ATG7: variants seen among roughly 807,000 people sequenced by gnomAD.
ATG7 encodes ubiquitin-like modifier-activating enzyme ATG7.
In ATG7, 70 loss-of-function variants were observed where a neutral mutation model predicts 82.4. The ratio of observed to expected loss-of-function variants is 0.85; its 90% confidence interval spans 0.70 to 1.04. ATG7 has a LOEUF of 1.04. Among genes scored for constraint, ATG7 ranks in the 50% least tolerant of loss-of-function variants. The pLI is 0.00. For synonymous variants in ATG7, 287 were observed against 313.0 expected, an observed-to-expected ratio of 0.92 and a Z score of 0.88; for missense variants, 792 against 864.3, an observed-to-expected ratio of 0.92 and a Z score of 1.05.
At position 11,550,753 on chromosome 3, in the gene ATG7, T is replaced by C. The variant is rs112387796; in HGVS notation, c.2080-4058T>C. On this transcript the variant is annotated intron_variant, in intron 20 of 20. Coordinates refer to ENST00000693202, the MANE Select transcript of ATG7 (RefSeq NM_001349232.2). The stretch of plus-strand genomic sequence containing the variant: ...ATGAGCCCTTTATGGTATGTTGTTA[T>C]GTTTTCTCTCAGTTTGCCTTTTTGA... Among the ~76,000 whole-genome samples, 379 of 151,784 alleles carry C rather than the reference T, an allele frequency of 2.5e-3. 1 individual carries two copies. Among genetic ancestry groups the C allele is most frequent in the African/African-American group, 8.8e-3 (362 of 41,070 alleles).
intron 20 of ATG7, among the ~76,000 whole-genome samples, chr3:11,512,466 C>T (rs2092107345): frequency 6.6e-6 from 1 of 152,238 alleles, no homozygotes; most frequent in African/African-American, 2.4e-5. Context: ...CTCAGATTAA[C>T]TCTGAAATCA....
At chr3:11,479,473 T>C (rs1354172220) in intron 20 of ATG7, among the ~76,000 whole-genome samples, 1 of 152,154 alleles carries the variant, frequency 6.6e-6, no homozygotes, top group Non-Finnish European at 1.5e-5. Context: ...ATCGTAAAGT[T>C]ACTTCCAAAG....
At chr3:11,575,997 A>C in the ATG7 span, among the ~76,000 whole-genome samples, 3 of 152,228 alleles carry the variant, frequency 2.0e-5, no homozygotes, top group African/African-American at 7.2e-5. Flanking sequence ...AACTCTATGT[A>C]AATAAGGTAC....
rs536203566 is a variant in ATG7, at chr3:11,399,734, C to T, written c.1956+19682C>T. On this transcript the variant is annotated intron_variant, in intron 19 of 20. Transcript: ENST00000693202. The stretch of plus-strand genomic sequence containing the variant: ...GGATTATAGGCATAAGCCACCATGC[C>T]CAGCTAATTTTTTATTTTTAGTAGA... Among the ~76,000 whole-genome samples, 16 of 152,256 alleles carry T rather than the reference C, an allele frequency of 1.1e-4. No homozygotes were observed. In the South Asian group the frequency reaches 3.1e-3, roughly 30 times the overall value.
rs34720305 is a variant in ATG7 at position 11,538,712 on chromosome 3, CAAAA to C, written c.2080-16087_2080-16084del. Among the ~76,000 whole-genome samples the C allele has an allele frequency of 1.6e-3, 133 of 83,976 alleles. No individual in the cohort carries two copies. In the East Asian group the frequency reaches 0.038, roughly 24 times the overall value. 55.1% of individuals were successfully genotyped at this position (83,976 alleles called of 152,430 possible). ...AAAAAAAAAAAAAAAAAAAATTAGC[CAAAA>C]AAAAAAAAAAAGCCAGATGTGGTGG... On this transcript the variant is annotated intron_variant, in intron 20 of 20. Transcript: ENST00000693202.
At chr3:11,423,046 A>T (rs928707779) in intron 19 of ATG7, among the ~76,000 whole-genome samples, 1 of 152,100 alleles carries the variant, frequency 6.6e-6, no homozygotes, top group South Asian at 2.1e-4. Context: ...GGCATGAGCC[A>T]CCGGGCTTGG....
At chr3:11,426,683 A>T in intron 19 of ATG7, 121 bp from the exon 20 acceptor site, 2 of 986,152 alleles carry the variant, frequency 2.0e-6, no homozygotes, top group Non-Finnish European at 2.8e-6. Flanking sequence ...TTGCATTATT[A>T]TCCCCATGTT....
At chr3:11,426,153 A>C (rs924657100) in intron 19 of ATG7, among the ~76,000 whole-genome samples, 4 of 152,166 alleles carry the variant, frequency 2.6e-5, no homozygotes, top group Non-Finnish European at 4.4e-5. Flanking sequence ...GAATTGCTGC[A>C]TCATAGGGCA....
chr3:11,473,943 G>A (rs1322506240), intron 20 of ATG7, among the ~76,000 whole-genome samples: 1 of 152,152 alleles, frequency 6.6e-6, no homozygotes, highest in South Asian at 2.1e-4. Context: ...TGTAGATCCC[G>A]TGAACTCCCT....
chr3:11,501,928 G>C (rs1484710148), intron 20 of ATG7, among the ~76,000 whole-genome samples: 2 of 152,084 alleles, frequency 1.3e-5, no homozygotes, highest in African/African-American at 4.8e-5. Flanking sequence ...GACCTCAGTT[G>C]ATCCCCTGCC....
intron 20 of ATG7, among the ~76,000 whole-genome samples, chr3:11,547,765 C>T (rs1036108853): frequency 3.3e-5 from 5 of 152,226 alleles, no homozygotes; most frequent in African/African-American, 1.2e-4. Flanking sequence ...TTCCTGATGA[C>T]TAATTATGTT....
At chr3:11,558,545 A>T (rs776006826), downstream of ATG7, 5 of 1,411,966 alleles carry the variant, frequency 3.5e-6, no homozygotes, top group Non-Finnish European at 4.7e-6. Context: ...TTGTTGGAGG[A>T]GGCGCTCCCT....
chr3:11,537,731 G>A (rs910731126), intron 20 of ATG7, among the ~76,000 whole-genome samples: 5 of 152,158 alleles, frequency 3.3e-5, no homozygotes, highest in African/African-American at 1.2e-4. Flanking sequence ...GCCCTGCTCG[G>A]TGCCAGGTTC....
chr3:11,460,297 C>T (rs1384273370), intron 20 of ATG7, among the ~76,000 whole-genome samples: 8 of 152,166 alleles, frequency 5.3e-5, no homozygotes, highest in Middle Eastern at 6.3e-3. Context: ...TCTTGTCCTT[C>T]GGTATCTTAT....
At chr3:11,474,882 G>T (rs2087956415) in intron 20 of ATG7, among the ~76,000 whole-genome samples, 1 of 152,116 alleles carries the variant, frequency 6.6e-6, no homozygotes, top group Non-Finnish European at 1.5e-5. Flanking sequence ...TGGGGGGCCG[G>T]AGCCAGTATG....
the ATG7 span, among the ~76,000 whole-genome samples, chr3:11,573,832 A>G: frequency 6.6e-6 from 1 of 152,176 alleles, no homozygotes; most frequent in Non-Finnish European, 1.5e-5. Flanking sequence ...TCTGAATGTG[A>G]GCTTATCTGA....
intron 19 of ATG7, among the ~76,000 whole-genome samples, chr3:11,387,541 A>G (rs1348384603): frequency 6.6e-6 from 1 of 152,314 alleles, no homozygotes; most frequent in East Asian, 1.9e-4. Flanking sequence ...TCTTCAGGGT[A>G]TTGAAAAATT....
intron 20 of ATG7, among the ~76,000 whole-genome samples, chr3:11,472,282 G>C (rs899633053): frequency 7.9e-5 from 12 of 152,072 alleles, no homozygotes; most frequent in Admixed American, 3.3e-4. Context: ...TTTTAGGCAG[G>C]CTCTTGCCTC....
chr3:11,368,412 C>T (rs781203934), intron 18 of ATG7, among the ~76,000 whole-genome samples: 4 of 152,012 alleles, frequency 2.6e-5, no homozygotes, highest in Admixed American at 1.3e-4. Flanking sequence ...GTTGGTTTGC[C>T]GGCTGGCAAG....
Sources: gnomAD v4.1 joint callset for allele counts (sites outside exome capture counted in the v4.1 genomes callset) on GRCh38, gnomAD v4.1.1 for gene constraint, MANE v1.5 for transcripts, NCBI Gene and HGNC (gene_info 2026-07-23, HGNC 2026-07-21) for gene names.